The following CDC14B variants were observed in gnomAD, a reference collection of about 807,000 sequenced individuals.
CDC14B encodes cell division cycle 14B.
CDC14B carries 22 observed loss-of-function variants against 64.2 expected under a neutral mutation model. The ratio of observed to expected loss-of-function variants is 0.34; its 90% CI spans 0.24 to 0.49. CDC14B has a LOEUF of 0.49. Among genes scored for constraint, CDC14B ranks in the 20% least tolerant of loss-of-function variants. CDC14B has a pLI of 0.99. For synonymous variants in CDC14B, 191 were observed against 215.8 expected (o/e 0.89, Z 1.01); for missense variants, 498 against 629.9 (o/e 0.79, Z 2.24).
At chr9:96,584,423 A>T (rs1845346271) in intron 1 of CDC14B, among the ~76,000 whole-genome samples, 1 of 152,120 alleles carries the variant, frequency 6.6e-6, no homozygotes. Context: ...ATATGCCCTA[A>T]AACATTTGGA....
intron 1 of CDC14B, among the ~76,000 whole-genome samples, chr9:96,566,358 AT>A (rs201974662): frequency 0.23 from 32,271 of 140,632 alleles, 3,364 homozygotes; most frequent in South Asian, 0.33. Context: ...ATGGTAAACT[AT>A]TTTTTTTTTT....
In CDC14B at chr9:96,596,974, A is replaced by C. The variant is rs537431458; in HGVS notation, c.160+22245T>G. On this transcript the variant is annotated intron_variant, in intron 1 of 13. Coordinates refer to ENST00000375241, the MANE Select transcript of CDC14B (RefSeq NM_033331.4). ...AGGCAGAAAAAATATTTACATAAGT[A>C]ATGGCTGAGAGCTTTCTAAACTGAT... Among the ~76,000 whole-genome samples the C allele has an allele frequency of 2.6e-5, 4 of 152,334 alleles. No homozygotes were observed. In the East Asian group the frequency reaches 5.8e-4, roughly 22 times the overall value.
chr9:96,611,555 A>C (rs890982978), intron 1 of CDC14B, among the ~76,000 whole-genome samples: 5 of 152,246 alleles, frequency 3.3e-5, no homozygotes, highest in African/African-American at 1.2e-4. Context: ...ACAAATATTC[A>C]GTAGCTAAGA....
chr9:96,608,748 T>C (rs1051161407), intron 1 of CDC14B, among the ~76,000 whole-genome samples: 1 of 152,118 alleles, frequency 6.6e-6, no homozygotes, highest in African/African-American at 2.4e-5. Context: ...ATTAGAGATA[T>C]AGAACTAATT....
chr9:96,531,954 A>C (rs911599491), intron 9 of CDC14B, among the ~76,000 whole-genome samples: 6 of 152,088 alleles, frequency 3.9e-5, no homozygotes, highest in Non-Finnish European at 7.4e-5. Flanking sequence ...TCTAGTGATT[A>C]AAAACTCCCT....
chr9:96,507,011 C>T (rs1322049307), intron 13 of CDC14B, among the ~76,000 whole-genome samples: 1 of 152,316 alleles, frequency 6.6e-6, no homozygotes, highest in Non-Finnish European at 1.5e-5. Flanking sequence ...AAAGCCTGAG[C>T]GGCCGGGCGC....
At chr9:96,582,215 C>T (rs992845644) in intron 1 of CDC14B, among the ~76,000 whole-genome samples, 6 of 152,188 alleles carry the variant, frequency 3.9e-5, no homozygotes, top group Non-Finnish European at 8.8e-5. Flanking sequence ...TAAATAGTAA[C>T]TTTTCTTAGA....
intron 1 of CDC14B, among the ~76,000 whole-genome samples, chr9:96,568,132 G>C (rs1844231741): frequency 1.3e-5 from 2 of 152,076 alleles, no homozygotes; most frequent in South Asian, 2.1e-4. Context: ...CTATAGAAAA[G>C]TGTTACTTTA....
Position 96,567,151 on chromosome 9 carries a change from T to G in CDC14B, c.161-1668A>C, listed in dbSNP as rs1225078434. On this transcript the variant is annotated intron_variant, in intron 1 of 13. Transcript: ENST00000375241. The stretch of plus-strand genomic sequence containing the variant: ...CCTGTGCCAACCAGGGCTCCTCCAG[T>G]GCCCAAACGCTCCGCAGAGGGGACA... 1.2e-4 allele frequency: 49 copies of G among 421,466 alleles called. No individual in the cohort carries two copies. The East Asian group carries it at 2.4e-3, about 21-fold the overall frequency. The allele number at this position is 421,466 out of a possible 1,614,324, so 26.1% of individuals were successfully genotyped here.
At chr9:96,619,192 C>G (rs1847828990) in intron 1 of CDC14B, 27 bp downstream of exon 1, 1 of 1,244,856 alleles carries the variant, frequency 8.0e-7, no homozygotes. Flanking sequence ...CGTCCGGGGC[C>G]CTCCGCGCGC....
chr9:96,497,293 G>GTT, downstream of CDC14B, among the ~76,000 whole-genome samples: 1 of 105,428 alleles, frequency 9.5e-6, no homozygotes, highest in African/African-American at 3.5e-5. Flanking sequence ...TAGAGGCGGG[G>GTT]AGGCAGGGGC....
At chr9:96,574,536 G>A (rs1844677789) in intron 1 of CDC14B, among the ~76,000 whole-genome samples, 1 of 151,744 alleles carries the variant, frequency 6.6e-6, no homozygotes, top group Admixed American at 6.6e-5. Flanking sequence ...AACAGGGATG[G>A]ATTTCTTTTT....
intron 13 of CDC14B, among the ~76,000 whole-genome samples, chr9:96,504,940 C>T (rs531448648): frequency 5.3e-5 from 8 of 152,082 alleles, no homozygotes; most frequent in Non-Finnish European, 1.0e-4. Context: ...TTTGAGAGGC[C>T]GAGGCAGGCA....
At chr9:96,613,861 G>A (rs189123708) in intron 1 of CDC14B, among the ~76,000 whole-genome samples, 8 of 152,124 alleles carry the variant, frequency 5.3e-5, no homozygotes, top group Non-Finnish European at 1.2e-4. Flanking sequence ...CAATGAATAT[G>A]CATGACTATT....
chr9:96,558,699 T>G (rs927198972), intron 4 of CDC14B, among the ~76,000 whole-genome samples: 1 of 152,236 alleles, frequency 6.6e-6, no homozygotes, highest in Admixed American at 6.5e-5. Flanking sequence ...AATTTTCCAC[T>G]TAAAATTTCA....
intron 1 of CDC14B, among the ~76,000 whole-genome samples, chr9:96,604,717 G>A (rs994660185): frequency 6.6e-6 from 1 of 151,238 alleles, no homozygotes; most frequent in African/African-American, 2.4e-5. Context: ...CCCCCAGGCT[G>A]GAGTGTAGTG....
At chr9:96,616,285 C>T (rs1057180651) in intron 1 of CDC14B, among the ~76,000 whole-genome samples, 1 of 151,748 alleles carries the variant, frequency 6.6e-6, no homozygotes, top group Non-Finnish European at 1.5e-5. Context: ...GAGATAGCTC[C>T]ACCGCACTCA....
At chr9:96,496,517 C>T (rs1051120848), downstream of CDC14B, among the ~76,000 whole-genome samples, 2 of 152,242 alleles carry the variant, frequency 1.3e-5, no homozygotes, top group Non-Finnish European at 2.9e-5. Context: ...CCAGAACGGC[C>T]GTCAGCCGTT....
intron 5 of CDC14B, among the ~76,000 whole-genome samples, chr9:96,547,057 G>A (rs987242650): frequency 4.6e-5 from 7 of 151,620 alleles, no homozygotes; most frequent in South Asian, 2.1e-4. Context: ...GCAAGACTCC[G>A]ACTCAAAAAA....
Sources: gnomAD v4.1 joint callset for allele counts (sites outside exome capture counted in the v4.1 genomes callset) on GRCh38, gnomAD v4.1.1 for gene constraint, MANE v1.5 for transcripts, NCBI Gene and HGNC (gene_info 2026-07-23, HGNC 2026-07-21) for gene names.